Variants in SCAPER observed in about 807,000 individuals in gnomAD.
SCAPER encodes S-phase cyclin A associated protein in the ER.
SCAPER carries 98 observed loss-of-function variants against 182.2 expected under a neutral mutation model. The ratio of observed to expected loss-of-function variants is 0.54; its 90% CI spans 0.46 to 0.64. SCAPER has a LOEUF of 0.64. Ranked by LOEUF, SCAPER falls within the 30% of genes least tolerant of loss-of-function variation. The pLI, the probability that SCAPER is intolerant of heterozygous loss-of-function variation, is 0.00. For synonymous variants in SCAPER, 605 were observed against 564.6 expected, an observed-to-expected ratio of 1.07 and a Z score of -1.01; for missense variants, 1,432 against 1,690.0, an observed-to-expected ratio of 0.85 and a Z score of 2.68.
At chr15:76,714,636 G>C (rs1041955337) in intron 17 of SCAPER, among the ~76,000 whole-genome samples, 8 of 152,004 alleles carry the variant, frequency 5.3e-5, no homozygotes, top group Non-Finnish European at 1.2e-4. Context: ...TCTCTTTCTT[G>C]GCCAGGTAGT....
intron 5 of SCAPER, among the ~76,000 whole-genome samples, chr15:76,825,697 C>T (rs1220767806): frequency 6.6e-6 from 1 of 152,082 alleles, no homozygotes; most frequent in Non-Finnish European, 1.5e-5. Flanking sequence ...GAATCATAAC[C>T]TTTCCTACTA....
intron 26 of SCAPER, among the ~76,000 whole-genome samples, chr15:76,420,759 A>G (rs1445312795): frequency 1.3e-5 from 2 of 152,104 alleles, no homozygotes; most frequent in Non-Finnish European, 2.9e-5. Flanking sequence ...TCCTAATGCT[A>G]TCCCTCCACG....
intron 16 of SCAPER, among the ~76,000 whole-genome samples, chr15:76,729,922 C>T (rs1006014409): frequency 6.6e-5 from 10 of 152,058 alleles, no homozygotes; most frequent in African/African-American, 2.4e-4. Flanking sequence ...CCAGATAGCA[C>T]TCACAACCTC....
intron 21 of SCAPER, among the ~76,000 whole-genome samples, chr15:76,646,963 T>A (rs1431658910): frequency 6.6e-6 from 1 of 152,214 alleles, no homozygotes; most frequent in Admixed American, 6.5e-5. Context: ...CAGACCATCA[T>A]GCCTTGAGCC....
intron 5 of SCAPER, among the ~76,000 whole-genome samples, chr15:76,816,931 C>T (rs565746268): frequency 2.0e-4 from 31 of 152,116 alleles, no homozygotes; most frequent in Admixed American, 4.6e-4. Context: ...GGATTACAGG[C>T]GTGAGCCACC....
intron 8 of SCAPER, among the ~76,000 whole-genome samples, chr15:76,795,065 A>G (rs2065231690): frequency 6.6e-6 from 1 of 152,228 alleles, no homozygotes; most frequent in Non-Finnish European, 1.5e-5. Flanking sequence ...AAGTTTACAC[A>G]TGGCAAACCT....
chr15:76,548,461 G>T (rs1320069468), intron 23 of SCAPER, among the ~76,000 whole-genome samples: 1 of 152,198 alleles, frequency 6.6e-6, no homozygotes, highest in African/African-American at 2.4e-5. Context: ...GCTATAAATA[G>T]AATGATGTTT....
chr15:76,534,669 C>T (rs2043978321), intron 23 of SCAPER, among the ~76,000 whole-genome samples: 1 of 152,044 alleles, frequency 6.6e-6, no homozygotes, highest in Non-Finnish European at 1.5e-5. Flanking sequence ...GAGATAATTG[C>T]TATTGCTCCT....
intron 23 of SCAPER, chr15:76,567,279 T>C (rs944631748): frequency 2.2e-6 from 1 of 449,156 alleles, no homozygotes; most frequent in Non-Finnish European, 4.5e-6. Flanking sequence ...CCATAATTTG[T>C]ATCTCCAGCT....
intron 5 of SCAPER, among the ~76,000 whole-genome samples, chr15:76,816,596 A>G (rs2067100344): frequency 1.3e-5 from 2 of 152,212 alleles, no homozygotes; most frequent in African/African-American, 4.8e-5. Context: ...TGTTAAGCAG[A>G]AGGAATACAT....
chr15:76,472,405 CTG>C (rs1463923995), intron 24 of SCAPER: 17 of 661,884 alleles, frequency 2.6e-5, no homozygotes, highest in African/African-American at 3.7e-5. Flanking sequence ...CTTCTGGTGA[CTG>C]TATAGTTTGA....
At chr15:76,848,240 C>G (rs2070321202) in intron 4 of SCAPER, among the ~76,000 whole-genome samples, 1 of 151,724 alleles carries the variant, frequency 6.6e-6, no homozygotes, top group Non-Finnish European at 1.5e-5. Context: ...TCTCAGGTGA[C>G]CTGCCCACCT....
chr15:76,436,773 T>C (rs1175798631), intron 25 of SCAPER, among the ~76,000 whole-genome samples: 2 of 152,218 alleles, frequency 1.3e-5, no homozygotes, highest in African/African-American at 4.8e-5. Context: ...ACAATCTGGA[T>C]CTAATCAAAC....
intron 16 of SCAPER, among the ~76,000 whole-genome samples, chr15:76,729,997 A>G (rs962163329): frequency 6.6e-6 from 1 of 152,156 alleles, no homozygotes; most frequent in African/African-American, 2.4e-5. Context: ...TACTACTTAC[A>G]TAACCTTGGG....
At chr15:76,754,731 A>G (rs1176891589) in intron 14 of SCAPER, among the ~76,000 whole-genome samples, 3 of 152,084 alleles carry the variant, frequency 2.0e-5, no homozygotes, top group Non-Finnish European at 2.9e-5. Flanking sequence ...ATTGTGTTGA[A>G]CCATCCAAAA....
intron 26 of SCAPER, among the ~76,000 whole-genome samples, chr15:76,413,951 G>A (rs1161138667): frequency 1.3e-5 from 2 of 152,128 alleles, no homozygotes; most frequent in African/African-American, 4.8e-5. Flanking sequence ...TGCAAAAAGG[G>A]TAAAATCTAT....
chr15:76,467,813 C>T (rs1213455957), intron 25 of SCAPER, among the ~76,000 whole-genome samples: 2 of 152,072 alleles, frequency 1.3e-5, no homozygotes, highest in Admixed American at 6.6e-5. Flanking sequence ...CCTCTGTAAC[C>T]CAGGCATCTG....
intron 17 of SCAPER, among the ~76,000 whole-genome samples, chr15:76,716,804 T>A (rs192529106): frequency 1.3e-5 from 2 of 151,990 alleles, no homozygotes; most frequent in African/African-American, 4.8e-5. Flanking sequence ...AAACAAATAT[T>A]CACATTGTAG....
intron 22 of SCAPER, among the ~76,000 whole-genome samples, chr15:76,596,611 C>G (rs1387978759): frequency 8.3e-6 from 1 of 121,114 alleles, no homozygotes; most frequent in Non-Finnish European, 2.0e-5. Flanking sequence ...AAAAGCTTAT[C>G]TACCATGATC....
Sources: allele counts gnomAD v4.1 joint callset (sites outside exome capture counted in the v4.1 genomes callset), GRCh38; gene constraint gnomAD v4.1.1; transcripts MANE v1.5; gene names NCBI Gene and HGNC (gene_info 2026-07-23, HGNC 2026-07-21).